The following OR4K2 variants were observed in gnomAD, a reference collection of about 807,000 sequenced individuals.
OR4K2 encodes the protein olfactory receptor 4K2.
Under a neutral mutation model 10.5 loss-of-function variants are expected in OR4K2, and 8 were observed. The observed-to-expected ratio is 0.76, with a 90% CI of 0.45 to 1.37. The LOEUF (loss-of-function observed/expected upper bound fraction) is 1.37. Ranked by LOEUF, OR4K2 falls within the 40% of genes most tolerant of loss-of-function variation. The pLI is 0.00. For missense variants in OR4K2, 547 were observed against 379.5 expected (o/e 1.44, Z -3.67); for synonymous variants, 178 against 133.6 (o/e 1.33, Z -2.29).
At position 19,876,562 on chromosome 14, in the gene OR4K2, A is replaced by G. The variant is rs533506567; in HGVS notation, c.295A>G (p.Thr99Ala). ...AACCATCTCTTTTGATGGCTGCCTT[A>G]CCCAGATATTCTTTCTCCACCTTTT... ...HKTISFDGCL[T>A]QIFFLHLFTG... Residue 99 changes from threonine to alanine, a missense_variant, in exon 2 of 2, where the codon ACC becomes GCC. Transcript: ENST00000641885. 2 of 1,614,178 alleles carry G rather than the reference A, an allele frequency of 1.2e-6. No homozygotes were observed. The highest frequency in any genetic ancestry group is 2.2e-5 in the East Asian group (1 of 44,886).
rs200518259 is a variant in OR4K2 at position 19,880,239 on chromosome 14, C to CT, written c.*3039dup. 0.08 allele frequency: 11,573 copies of CT among 145,322 alleles called. 47 individuals are homozygous for CT. The highest frequency in any genetic ancestry group is 0.1 in the South Asian group (478 of 4,632). 9.0% of individuals were successfully genotyped at this position (145,322 alleles called of 1,614,324 possible). A position where few individuals can be genotyped will look rare whatever the true frequency, so the allele number is the denominator to read the frequency against. ...TTTTAAAAGTCTTAGACTCTGGTAT[C>CT]TTTTTTTTTTTTAAACAGTGTTTAA... On this transcript the variant is annotated 3_prime_UTR_variant, in exon 2 of 2. Transcript: ENST00000641885.
At position 19,876,486 on chromosome 14, in the gene OR4K2, T is replaced by C. The variant is rs781243949; in HGVS notation, c.219T>C (p.Leu73=). The change falls in exon 2 of 2, where the codon CTT becomes CTC. Residue 73 remains leucine (L), a synonymous_variant. Transcript: ENST00000641885. ...LTNLSIIDMS[L]ASFATPKMIT... is the part of the protein sequence containing the mutation. ...ATCTTTCAATCATTGATATGTCTCT[T>C]GCTTCTTTCGCCACCCCAAAGATGA... 1.8e-5 allele frequency: 29 copies of C among 1,614,194 alleles called. No individual in the cohort carries two copies. Among genetic ancestry groups the C allele is most frequent in the Non-Finnish European group, 2.1e-5 (25 of 1,179,994 alleles).
Position 19,878,447 on chromosome 14 carries a change from G to T in OR4K2, c.*1235G>T, listed in dbSNP as rs1454228233. 1 of 152,158 alleles carries T rather than the reference G, an allele frequency of 6.6e-6. No homozygotes were observed. The highest frequency in any genetic ancestry group is 1.5e-5 in the Non-Finnish European group (1 of 68,006). 9.4% of individuals were successfully genotyped at this position (152,158 alleles called of 1,614,324 possible). A position where few individuals can be genotyped will look rare whatever the true frequency, so the allele number is the denominator to read the frequency against. ...CAACCACAGTATTTGATAATATCAAGTTGTTATTTTCTGGTATGATTGAGT... is the reference window on the plus strand; with the variant it reads ...CAACCACAGTATTTGATAATATCAATTTGTTATTTTCTGGTATGATTGAGT... On this transcript the variant is annotated 3_prime_UTR_variant, in exon 2 of 2. Transcript: ENST00000641885.
In OR4K2 at chr14:19,883,278, T is replaced by C. The variant is rs1016776466; in HGVS notation, c.*6066T>C. The C allele has an allele frequency of 6.6e-6, 1 of 152,302 alleles. No homozygotes were observed. The highest frequency in any genetic ancestry group is 2.4e-5 in the African/African-American group (1 of 41,466). 9.4% of individuals were successfully genotyped at this position (152,302 alleles called of 1,614,324 possible). On this transcript the variant is annotated 3_prime_UTR_variant, in exon 2 of 2. Transcript: ENST00000641885. Reference sequence around the variant, plus strand: ...CTCTTTGGGAATGATAGTGCTGTTGTTGCTGTAGTAGTTGATATCTCTAAC... The same window carrying C: ...CTCTTTGGGAATGATAGTGCTGTTGCTGCTGTAGTAGTTGATATCTCTAAC...
rs1309088495 is a variant in OR4K2, at chr14:19,882,918, T to A, written c.*5706T>A. 2.6e-5 allele frequency: 4 copies of A among 151,074 alleles called. No individual in the cohort carries two copies. The highest frequency in any genetic ancestry group is 9.8e-5 in the African/African-American group (4 of 40,760). The allele number at this position is 151,074 out of a possible 1,614,324, so 9.4% of individuals were successfully genotyped here. A position where few individuals can be genotyped will look rare whatever the true frequency, so the allele number is the denominator to read the frequency against. ...TCTCCGCTCATTGCAAACTCTGCCT[T>A]CCGGATTCACGCCATTCTCCTGCCT... On this transcript the variant is annotated 3_prime_UTR_variant, in exon 2 of 2. Coordinates refer to ENST00000641885, the MANE Select transcript of OR4K2 (RefSeq NM_001005501.2).
At position 19,880,390 on chromosome 14, in the gene OR4K2, G is replaced by A. The variant is rs1423963800; in HGVS notation, c.*3178G>A. The A allele has an allele frequency of 2.0e-5, 3 of 152,356 alleles. No individual in the cohort carries two copies. The highest frequency in any genetic ancestry group is 7.2e-5 in the African/African-American group (3 of 41,584). The allele number at this position is 152,356 out of a possible 1,614,324, so 9.4% of individuals were successfully genotyped here. On this transcript the variant is annotated 3_prime_UTR_variant, in exon 2 of 2. Coordinates refer to ENST00000641885, the MANE Select transcript of OR4K2 (RefSeq NM_001005501.2). ...CCACAGAGTTATTTGAGGCATAAAA[G>A]AAGCAAATAATATGAAGCATATGGT...
In OR4K2 at chr14:19,883,058, C is replaced by T. The variant is rs930167347; in HGVS notation, c.*5846C>T. Reference sequence around the variant, plus strand: ...CTTTTGAAAAACCTGAGTTATTTACCATCTAGGGTCTCCCAGAGTCTGAAA... The same window carrying T: ...CTTTTGAAAAACCTGAGTTATTTACTATCTAGGGTCTCCCAGAGTCTGAAA... On this transcript the variant is annotated 3_prime_UTR_variant, in exon 2 of 2. Coordinates refer to ENST00000641885, the MANE Select transcript of OR4K2 (RefSeq NM_001005501.2). 1 of 152,222 alleles carries T rather than the reference C, an allele frequency of 6.6e-6. No individual in the cohort carries two copies. Among genetic ancestry groups the T allele is most frequent in the Non-Finnish European group, 1.5e-5 (1 of 68,084 alleles). The allele number at this position is 152,222 out of a possible 1,614,324, so 9.4% of individuals were successfully genotyped here.
At position 19,876,055 on chromosome 14, in the gene OR4K2, A is replaced by G. The variant is rs1880885319; in HGVS notation, c.-103A>G. The G allele has an allele frequency of 1.9e-6, 1 of 527,702 alleles. No homozygotes were observed. Among genetic ancestry groups the G allele is most frequent in the Non-Finnish European group, 3.3e-6 (1 of 304,278 alleles). 32.7% of individuals were successfully genotyped at this position (527,702 alleles called of 1,614,324 possible). A position where few individuals can be genotyped will look rare whatever the true frequency, so the allele number is the denominator to read the frequency against. On this transcript the variant is annotated 5_prime_UTR_variant, in exon 1 of 2. Coordinates refer to ENST00000641885, the MANE Select transcript of OR4K2 (RefSeq NM_001005501.2). ...TTTCAATACCTATGATTTAAGGAAC[A>G]TTTTGCTATAAGCTCTAATATTTCA... is the stretch of plus-strand genomic sequence containing the variant.
In OR4K2 at chr14:19,875,984, A is replaced by C. The variant is rs1032842854; in HGVS notation, c.-174A>C. 6.4e-5 allele frequency: 25 copies of C among 390,318 alleles called. No individual in the cohort carries two copies. The highest frequency in any genetic ancestry group is 1.1e-4 in the Non-Finnish European group (24 of 217,256). The allele number at this position is 390,318 out of a possible 1,614,324, so 24.2% of individuals were successfully genotyped here. A position where few individuals can be genotyped will look rare whatever the true frequency, so the allele number is the denominator to read the frequency against. On this transcript the variant is annotated 5_prime_UTR_variant, in exon 1 of 2. Coordinates refer to ENST00000641885, the MANE Select transcript of OR4K2 (RefSeq NM_001005501.2). Reference sequence around the variant, plus strand: ...GGTAGGTATGTCTGTTCAGAATGATATTATCTTGGTTGGATTGCCATTAGT... The same window carrying C: ...GGTAGGTATGTCTGTTCAGAATGATCTTATCTTGGTTGGATTGCCATTAGT...
rs772893930 is a variant in OR4K2 at position 19,876,249 on chromosome 14, C to G, written c.-19C>G. ...TTTTTTTTTTTCGTGATACAGGCTT[C>G]TGCCTATGAATCAAGACAATGGATG... On this transcript the variant is annotated 5_prime_UTR_variant, in exon 2 of 2. Transcript: ENST00000641885. 4 of 766,374 alleles carry G rather than the reference C, an allele frequency of 5.2e-6. No individual in the cohort carries two copies. Among genetic ancestry groups the G allele is most frequent in the Non-Finnish European group, 8.1e-6 (4 of 493,568 alleles). The allele number at this position is 766,374 out of a possible 1,614,324, so 47.5% of individuals were successfully genotyped here.
At position 19,876,854 on chromosome 14, in the gene OR4K2, G is replaced by C. The variant is rs747941898; in HGVS notation, c.587G>C (p.Gly196Ala). The change falls in exon 2 of 2, where the codon GGC (glycine) becomes GCC (alanine). Residue 196 changes from glycine to alanine, a missense_variant. Gly to Ala is a moderately conservative substitution (Grantham distance 60). Transcript: ENST00000641885. ...QLACVDTYVLGLFMISTSGII... is the reference protein window; with the variant it reads ...QLACVDTYVLALFMISTSGII... ...GCTTGTGTGGATACTTATGTTCTGG[G>C]CCTCTTTATGATCTCAACAAGTGGC... 5.0e-6 allele frequency: 8 copies of C among 1,614,152 alleles called. No homozygotes were observed. The South Asian group carries it at 8.8e-5, about 18-fold the overall frequency.
Position 19,883,609 on chromosome 14 carries a change from A to T in OR4K2, c.*6397A>T, listed in dbSNP as rs1226186255. 6.6e-6 allele frequency: 1 copy of T among 152,222 alleles called. No individual in the cohort carries two copies. Among genetic ancestry groups the T allele is most frequent in the East Asian group, 1.9e-4 (1 of 5,206 alleles). 9.4% of individuals were successfully genotyped at this position (152,222 alleles called of 1,614,324 possible). ...GGTATTAATAATCCTTCTGATATTT[A>T]TATTAGTAGTTAAATAATTAAATAG... On this transcript the variant is annotated 3_prime_UTR_variant, in exon 2 of 2. Coordinates refer to ENST00000641885, the MANE Select transcript of OR4K2 (RefSeq NM_001005501.2).
At position 19,876,819 on chromosome 14, in the gene OR4K2, G is replaced by A. The variant is rs1438455058; in HGVS notation, c.552G>A (p.Val184=). Residue 184 remains valine (V), a synonymous_variant, in exon 2 of 2, where the codon GTG becomes GTA. Coordinates refer to ENST00000641885, the MANE Select transcript of OR4K2 (RefSeq NM_001005501.2). ...GCTTTTTCTGTGACCTTCCTGTGGTGTTCCAGTTGGCTTGTGTGGATACTT... is the reference window on the plus strand; with the variant it reads ...GCTTTTTCTGTGACCTTCCTGTGGTATTCCAGTTGGCTTGTGTGGATACTT... ...VDSFFCDLPV[V]FQLACVDTYV... is the part of the protein sequence containing the mutation. 2.5e-6 allele frequency: 4 copies of A among 1,614,080 alleles called. No homozygotes were observed. The highest frequency in any genetic ancestry group is 2.7e-5 in the African/African-American group (2 of 74,938).
rs1349106817 is a variant in OR4K2 at position 19,879,866 on chromosome 14, T to C, written c.*2654T>C. ...TTTGCATGGATTTCCTCGAAGGCCC[T>C]AGAATGGAAACTAACAACCTTTTAT... is the stretch of plus-strand genomic sequence containing the variant. On this transcript the variant is annotated 3_prime_UTR_variant, in exon 2 of 2. Coordinates refer to ENST00000641885, the MANE Select transcript of OR4K2 (RefSeq NM_001005501.2). 6.6e-6 allele frequency: 1 copy of C among 152,326 alleles called. No individual in the cohort carries two copies. The highest frequency in any genetic ancestry group is 2.4e-5 in the African/African-American group (1 of 41,478). The allele number at this position is 152,326 out of a possible 1,614,324, so 9.4% of individuals were successfully genotyped here. A position where few individuals can be genotyped will look rare whatever the true frequency, so the allele number is the denominator to read the frequency against.
Position 19,883,333 on chromosome 14 carries a change from C to T in OR4K2, c.*6121C>T, listed in dbSNP as rs993625655. On this transcript the variant is annotated 3_prime_UTR_variant, in exon 2 of 2. Transcript: ENST00000641885. ...TTTGTTGGCTGAAGCTTATTCTCTA[C>T]TATATTCCTCAGGAAGTCTTCTTGA... 1 of 152,280 alleles carries T rather than the reference C, an allele frequency of 6.6e-6. No individual in the cohort carries two copies. Among genetic ancestry groups the T allele is most frequent in the Non-Finnish European group, 1.5e-5 (1 of 68,068 alleles). 9.4% of individuals were successfully genotyped at this position (152,280 alleles called of 1,614,324 possible). A position where few individuals can be genotyped will look rare whatever the true frequency, so the allele number is the denominator to read the frequency against.
Position 19,875,893 on chromosome 14 carries a change from T to C in OR4K2, c.-265T>C. ...TGTATGTGTATGTGTGTTTCACACA[T>C]TGTCAGCATAAAGTAAGTTCTTACT... On this transcript the variant is annotated 5_prime_UTR_variant, in exon 1 of 2. Coordinates refer to ENST00000641885, the MANE Select transcript of OR4K2 (RefSeq NM_001005501.2). The C allele has an allele frequency of 4.8e-6, 1 of 208,326 alleles. No individual in the cohort carries two copies. Among genetic ancestry groups the C allele is most frequent in the Non-Finnish European group, 9.6e-6 (1 of 104,064 alleles). The allele number at this position is 208,326 out of a possible 1,614,324, so 12.9% of individuals were successfully genotyped here.
rs756866255 is a variant in OR4K2, at chr14:19,876,757, C to T, written c.490C>T (p.Leu164Phe). 5.0e-6 allele frequency: 8 copies of T among 1,614,068 alleles called. No homozygotes were observed. The highest frequency in any genetic ancestry group is 6.8e-6 in the Non-Finnish European group (8 of 1,180,008). ...TTCAATGAGTCAGGTCATATTTGCC[C>T]TCACGTTACCATTCTGTGGTCCCTA... ...MHSMSQVIFA[L>F]TLPFCGPYEV... Residue 164 changes from leucine to phenylalanine, a missense_variant, in exon 2 of 2, where the codon CTC becomes TTC. Transcript: ENST00000641885.
Position 19,876,786 on chromosome 14 carries a change from G to C in OR4K2, c.519G>C (p.Glu173Asp). 1 of 1,614,198 alleles carries C rather than the reference G, an allele frequency of 6.2e-7. No individual in the cohort carries two copies. Among genetic ancestry groups the C allele is most frequent in the Non-Finnish European group, 8.5e-7 (1 of 1,180,004 alleles). ...CGTTACCATTCTGTGGTCCCTATGA[G>C]GTAGACAGCTTTTTCTGTGACCTTC... Reference protein sequence around the residue: ...ALTLPFCGPYEVDSFFCDLPV... With the variant: ...ALTLPFCGPYDVDSFFCDLPV... The change falls in exon 2 of 2, where the codon GAG becomes GAC. Residue 173 changes from glutamate (E) to aspartate (D), a missense_variant. Coordinates refer to ENST00000641885, the MANE Select transcript of OR4K2 (RefSeq NM_001005501.2).
chr14:19,876,658 C>A lies in OR4K2; in HGVS notation c.391C>A (p.His131Asn), dbSNP rs145217057. 11 of 1,614,056 alleles carry A rather than the reference C, an allele frequency of 6.8e-6. No homozygotes were observed. Among genetic ancestry groups the A allele is most frequent in the Non-Finnish European group, 8.5e-6 (10 of 1,180,010 alleles). Residue 131 changes from histidine to asparagine, a missense_variant, in exon 2 of 2, where the codon CAC becomes AAC. His to Asn is a moderately conservative substitution (Grantham distance 68, BLOSUM62 1). Coordinates refer to ENST00000641885, the MANE Select transcript of OR4K2 (RefSeq NM_001005501.2). ...DRYIAICKPL[H>N]YASVISPQVC... is the part of the protein sequence containing the mutation. ...GTATATTGCAATATGCAAGCCCCTGCACTATGCTTCTGTCATTAGTCCCCA... is the reference window on the plus strand; with the variant it reads ...GTATATTGCAATATGCAAGCCCCTGAACTATGCTTCTGTCATTAGTCCCCA...
Sources: allele counts gnomAD v4.1 joint callset, GRCh38; gene constraint gnomAD v4.1.1; transcripts MANE v1.5; gene names NCBI Gene and HGNC (gene_info 2026-07-23, HGNC 2026-07-21).